KCNC2: variants seen among roughly 807,000 people sequenced by gnomAD.
The protein encoded by KCNC2 is potassium voltage-gated channel subfamily C member 2.
KCNC2 carries 21 observed loss-of-function variants against 44.5 expected under a neutral mutation model. The observed-to-expected ratio is 0.47, with a 90% CI of 0.33 to 0.68. The LOEUF is 0.68. Among genes scored for constraint, KCNC2 ranks in the 30% least tolerant of loss-of-function variants. The pLI is 0.01. For missense variants in KCNC2, 589 were observed against 826.2 expected (o/e 0.71, Z 3.52); for synonymous variants, 391 against 339.1 (o/e 1.15, Z -1.68).
At chr12:75,127,473 G>T (rs1888514667) in intron 2 of KCNC2, among the ~76,000 whole-genome samples, 1 of 152,070 alleles carries the variant, frequency 6.6e-6, no homozygotes, top group South Asian at 2.1e-4. Flanking sequence ...ATAAATAAAA[G>T]GGAAGGGAAG....
intron 2 of KCNC2, among the ~76,000 whole-genome samples, chr12:75,102,311 T>C (rs1343223619): frequency 6.6e-6 from 1 of 152,036 alleles, no homozygotes; most frequent in Non-Finnish European, 1.5e-5. Context: ...GTTGAGTAAA[T>C]CTGACTCTTT....
Position 75,040,266 on chromosome 12 carries a change from G to A in KCNC2, c.*2839C>T, listed in dbSNP as rs1489925438. On this transcript the variant is annotated 3_prime_UTR_variant, in exon 5 of 5. Coordinates refer to ENST00000549446, the MANE Select transcript of KCNC2 (RefSeq NM_139137.4). Reference sequence around the variant, plus strand: ...TATATGTTATATTCAGAATCCCAGGGGAACTAATAGACTCTGAAAATATTG... The same window carrying A: ...TATATGTTATATTCAGAATCCCAGGAGAACTAATAGACTCTGAAAATATTG... 6.6e-6 allele frequency: 1 copy of A among 151,766 alleles called. No individual in the cohort carries two copies. The highest frequency in any genetic ancestry group is 2.4e-5 in the African/African-American group (1 of 41,320). 9.4% of individuals were successfully genotyped at this position (151,766 alleles called of 1,614,324 possible). A position where few individuals can be genotyped will look rare whatever the true frequency, so the allele number is the denominator to read the frequency against.
intron 2 of KCNC2, among the ~76,000 whole-genome samples, chr12:75,119,327 G>A (rs1345807901): frequency 6.6e-6 from 1 of 151,256 alleles, no homozygotes; most frequent in Non-Finnish European, 1.5e-5. Context: ...TTTAAAATGT[G>A]GCTTTGCCCA....
At chr12:75,092,478 G>A (rs1885571713) in intron 2 of KCNC2, among the ~76,000 whole-genome samples, 1 of 151,476 alleles carries the variant, frequency 6.6e-6, no homozygotes, top group Non-Finnish European at 1.5e-5. Flanking sequence ...CTCTCTGGGG[G>A]AATAAAAAGC....
chr12:75,164,272 C>T (rs1891307454), intron 2 of KCNC2, among the ~76,000 whole-genome samples: 1 of 151,632 alleles, frequency 6.6e-6, no homozygotes, highest in African/African-American at 2.4e-5. Flanking sequence ...CCCATGTTCA[C>T]TCTGCCAGCC....
At chr12:75,179,125 T>C (rs1221423161) in intron 2 of KCNC2, among the ~76,000 whole-genome samples, 1 of 152,038 alleles carries the variant, frequency 6.6e-6, no homozygotes, top group Admixed American at 6.6e-5. Flanking sequence ...CACCCACATG[T>C]TCCAAAAATA....
Position 75,108,872 on chromosome 12 carries a change from C to T in KCNC2, c.688-57555G>A, listed in dbSNP as rs577870829. On this transcript the variant is annotated intron_variant, in intron 2 of 4. Coordinates refer to ENST00000549446, the MANE Select transcript of KCNC2 (RefSeq NM_139137.4). Reference sequence around the variant, plus strand: ...ATTCAACTTTATAGGAAATATTATTCCAAAATAATATTTTCACATTTGTGC... The same window carrying T: ...ATTCAACTTTATAGGAAATATTATTTCAAAATAATATTTTCACATTTGTGC... Among the ~76,000 whole-genome samples, 3 of 152,176 alleles carry T rather than the reference C, an allele frequency of 2.0e-5. No homozygotes were observed. The East Asian group carries it at 5.8e-4, about 29-fold the overall frequency.
At chr12:75,199,226 T>A (rs2031034556) in intron 2 of KCNC2, among the ~76,000 whole-genome samples, 1 of 151,760 alleles carries the variant, frequency 6.6e-6, no homozygotes, top group African/African-American at 2.4e-5. Context: ...TACAGCACAG[T>A]CAGATATTGT....
rs116701691 is a variant in KCNC2 at position 75,194,430 on chromosome 12, G to A, written c.687+12867C>T. ...TGAAACAGATTATCTTTTAGAACCA[G>A]TAGAAGAAACCAAGCCTGCCAAACT... On this transcript the variant is annotated intron_variant, in intron 2 of 4. Coordinates refer to ENST00000549446, the MANE Select transcript of KCNC2 (RefSeq NM_139137.4). 3.7e-3 allele frequency among the ~76,000 whole-genome samples: 565 copies of A among 152,246 alleles called. 1 individual carries two copies. The highest frequency in any genetic ancestry group is 0.013 in the African/African-American group (531 of 41,548).
At chr12:75,098,570 C>T (rs1304452329) in intron 2 of KCNC2, among the ~76,000 whole-genome samples, 2 of 151,940 alleles carry the variant, frequency 1.3e-5, no homozygotes, top group Admixed American at 1.3e-4. Context: ...ACCAGCCTGG[C>T]CAACATGGTG....
At chr12:75,143,924 G>A (rs1208104881) in intron 2 of KCNC2, among the ~76,000 whole-genome samples, 2 of 152,066 alleles carry the variant, frequency 1.3e-5, no homozygotes, top group African/African-American at 4.8e-5. Context: ...TTTCTAATAT[G>A]TCTGCTGACA....
chr12:75,108,824 G>C (rs1379967), intron 2 of KCNC2, among the ~76,000 whole-genome samples: 33,043 of 152,074 alleles, frequency 0.22, 4,432 homozygotes, highest in African/African-American at 0.37. Flanking sequence ...GTTCAGCTGA[G>C]ATTCAAACTA....
chr12:75,042,451 A>C lies in KCNC2; in HGVS notation c.*654T>G. Reference sequence around the variant, plus strand: ...GAAAAGTAAATCAATCAAGAAATTAAACTATTTAAAACATATATTTCTTTC... The same window carrying C: ...GAAAAGTAAATCAATCAAGAAATTACACTATTTAAAACATATATTTCTTTC... On this transcript the variant is annotated 3_prime_UTR_variant, in exon 5 of 5. Transcript: ENST00000549446. 6.5e-7 allele frequency: 1 copy of C among 1,538,684 alleles called. No individual in the cohort carries two copies. The highest frequency in any genetic ancestry group is 1.2e-5 in the South Asian group (1 of 81,652).
intron 2 of KCNC2, among the ~76,000 whole-genome samples, chr12:75,120,761 T>C (rs960530984): frequency 6.6e-6 from 1 of 152,190 alleles, no homozygotes; most frequent in Non-Finnish European, 1.5e-5. Context: ...ATGGGAATTA[T>C]TTGAGAGGGG....
intron 2 of KCNC2, among the ~76,000 whole-genome samples, chr12:75,071,126 A>C (rs2137034349): frequency 6.6e-6 from 1 of 152,244 alleles, no homozygotes; most frequent in African/African-American, 2.4e-5. Flanking sequence ...TACTTGGTCT[A>C]TTTGTGTCCC....
intron 2 of KCNC2, among the ~76,000 whole-genome samples, chr12:75,138,586 AG>A (rs1889395957): frequency 6.6e-6 from 1 of 152,180 alleles, no homozygotes; most frequent in South Asian, 2.1e-4. Flanking sequence ...TTTGAGAACA[AG>A]GTATGTTTTT....
At chr12:75,124,041 A>C (rs898420283) in intron 2 of KCNC2, 6 of 152,218 alleles carry the variant, frequency 3.9e-5, no homozygotes, top group Non-Finnish European at 7.3e-5. Flanking sequence ...AAGCGTTCAA[A>C]TCTTCCTGCA....
chr12:75,127,591 G>A (rs1329042511), intron 2 of KCNC2, among the ~76,000 whole-genome samples: 2 of 152,106 alleles, frequency 1.3e-5, no homozygotes, highest in Admixed American at 6.6e-5. Flanking sequence ...GAACTGAGAA[G>A]AATAAAAACT....
chr12:75,142,851 T>TA (rs1387780797), intron 2 of KCNC2, among the ~76,000 whole-genome samples: 3 of 152,174 alleles, frequency 2.0e-5, no homozygotes, highest in Non-Finnish European at 4.4e-5. Flanking sequence ...GACACCACTA[T>TA]AGCCACAAGT....
Sources: gnomAD v4.1 joint callset for allele counts (sites outside exome capture counted in the v4.1 genomes callset) on GRCh38, gnomAD v4.1.1 for gene constraint, MANE v1.5 for transcripts, NCBI Gene and HGNC (gene_info 2026-07-23, HGNC 2026-07-21) for gene names.